XPO7: variants seen among roughly 807,000 people sequenced by gnomAD.
XPO7 encodes the protein exportin 7, also known as exportin-7.
Under a neutral mutation model 144.3 loss-of-function variants are expected in XPO7, and 21 were observed. The ratio of observed to expected loss-of-function variants is 0.15; its 90% CI spans 0.10 to 0.21. The LOEUF is 0.21. Ranked by LOEUF, XPO7 falls within the 10% of genes least tolerant of loss-of-function variation. The pLI is 1.00. For missense variants in XPO7, 808 were observed against 1,325.8 expected, an observed-to-expected ratio of 0.61 and a Z score of 6.06; for synonymous variants, 580 against 499.6, an observed-to-expected ratio of 1.16 and a Z score of -2.15.
At chr8:21,972,362 C>G (rs1413823101) in intron 5 of XPO7, among the ~76,000 whole-genome samples, 3 of 150,862 alleles carry the variant, frequency 2.0e-5, no homozygotes, top group African/African-American at 7.4e-5. Flanking sequence ...GCCTGTAGTC[C>G]CAGCGACTTG....
At chr8:21,978,107 G>A (rs1001317859) in intron 8 of XPO7, among the ~76,000 whole-genome samples, 8 of 152,114 alleles carry the variant, frequency 5.3e-5, no homozygotes, top group Non-Finnish European at 7.4e-5. Flanking sequence ...CTGACTTTAT[G>A]CTGTTCCTCA....
chr8:21,932,093 C>T (rs998187347), intron 1 of XPO7, among the ~76,000 whole-genome samples: 4 of 152,090 alleles, frequency 2.6e-5, no homozygotes, highest in Non-Finnish European at 4.4e-5. Context: ...AGGCTGGTCT[C>T]GAACTCCTGA....
Position 21,999,278 on chromosome 8 carries a change from C to T in XPO7, c.2616C>T (p.Leu872=), listed in dbSNP as rs1178686785. ...DNALQTFIKL[L]LSIPHSDLLD... ...CTCTGCAGACCTTCATCAAGCTGCTCCTCTCTATTCCTCACAGTGATCTCT... is the reference window on the plus strand; with the variant it reads ...CTCTGCAGACCTTCATCAAGCTGCTTCTCTCTATTCCTCACAGTGATCTCT... The change falls in exon 23 of 28, where the codon CTC becomes CTT. Residue 872 remains leucine (L), a synonymous_variant. Coordinates refer to ENST00000252512, the MANE Select transcript of XPO7 (RefSeq NM_015024.5). The T allele has an allele frequency of 6.2e-6, 10 of 1,612,968 alleles. No individual in the cohort carries two copies. Among genetic ancestry groups the T allele is most frequent in the East Asian group, 2.2e-5 (1 of 44,894 alleles).
At chr8:21,995,911 G>A (rs935915007) in intron 21 of XPO7, among the ~76,000 whole-genome samples, 15 of 152,084 alleles carry the variant, frequency 9.9e-5, no homozygotes, top group African/African-American at 2.9e-4. Flanking sequence ...ATCCCCCTGG[G>A]TTCACGCCAT....
At chr8:21,945,547 AT>A (rs1811165358) in intron 1 of XPO7, among the ~76,000 whole-genome samples, 1 of 152,222 alleles carries the variant, frequency 6.6e-6, no homozygotes, top group Non-Finnish European at 1.5e-5. Flanking sequence ...GCCTTATGAA[AT>A]TTTTAGCATG....
At chr8:21,967,356 G>C (rs1233908759) in intron 2 of XPO7, among the ~76,000 whole-genome samples, 2 of 152,112 alleles carry the variant, frequency 1.3e-5, no homozygotes, top group African/African-American at 4.8e-5. Context: ...TTGAGACGGA[G>C]TTTCGCTCTT....
intron 9 of XPO7, among the ~76,000 whole-genome samples, chr8:21,980,790 A>C (rs946303082): frequency 6.6e-6 from 1 of 151,888 alleles, no homozygotes; most frequent in African/African-American, 2.4e-5. Flanking sequence ...AAAAAAAAAA[A>C]CTAACATTTG....
At chr8:21,919,909 C>T (rs929956919) in intron 1 of XPO7, 121 bp downstream of exon 1, 2 of 229,820 alleles carry the variant, frequency 8.7e-6, no homozygotes, top group Non-Finnish European at 1.8e-5. Flanking sequence ...CGCCGCCACT[C>T]GGGGCTCTGG....
chr8:21,965,401 T>G (rs1811850790), intron 1 of XPO7, among the ~76,000 whole-genome samples: 2 of 152,222 alleles, frequency 1.3e-5, no homozygotes, highest in African/African-American at 4.8e-5. Context: ...AGGTACTACT[T>G]ATAGAACTTT....
chr8:21,994,273 G>T, intron 19 of XPO7, 90 bp from the exon 20 acceptor site: 5 of 920,736 alleles, frequency 5.4e-6, no homozygotes, highest in Admixed American at 2.1e-5. Flanking sequence ...GTGAGAGAAA[G>T]AATTTGATGA....
chr8:21,945,270 A>C (rs749532607), intron 1 of XPO7, among the ~76,000 whole-genome samples: 3 of 152,210 alleles, frequency 2.0e-5, no homozygotes, highest in Non-Finnish European at 4.4e-5. Flanking sequence ...TTAATCTCAA[A>C]GGAATTATCC....
intron 1 of XPO7, among the ~76,000 whole-genome samples, chr8:21,941,529 G>A (rs1202704029): frequency 1.3e-5 from 2 of 152,168 alleles, no homozygotes; most frequent in Non-Finnish European, 1.5e-5. Flanking sequence ...TTGTTATACT[G>A]TATTGTTTCG....
chr8:21,947,927 T>C (rs1811244698), intron 1 of XPO7, among the ~76,000 whole-genome samples: 1 of 152,054 alleles, frequency 6.6e-6, no homozygotes, highest in Non-Finnish European at 1.5e-5. Flanking sequence ...GATAGAACTA[T>C]AGGATAAAAC....
At chr8:21,991,046 A>G in intron 18 of XPO7, 127 bp downstream of exon 18, 3 of 812,256 alleles carry the variant, frequency 3.7e-6, no homozygotes, top group Non-Finnish European at 6.1e-6. Flanking sequence ...ACTATCTGAA[A>G]TAACAGCCTG....
At chr8:21,981,269 A>G (rs952876837) in intron 9 of XPO7, among the ~76,000 whole-genome samples, 2 of 152,262 alleles carry the variant, frequency 1.3e-5, no homozygotes, top group Non-Finnish European at 2.9e-5. Flanking sequence ...AATATATGAA[A>G]CATTTGTATA....
intron 11 of XPO7, 86 bp from the exon 12 acceptor site, chr8:21,984,560 A>T: frequency 8.0e-7 from 1 of 1,255,150 alleles, no homozygotes; most frequent in Non-Finnish European, 1.1e-6. Context: ...AATGGTGGCT[A>T]AGTGAAGAAG....
chr8:21,923,610 CTT>C (rs1368747525), intron 1 of XPO7, among the ~76,000 whole-genome samples: 5 of 152,108 alleles, frequency 3.3e-5, no homozygotes, highest in African/African-American at 1.2e-4. Flanking sequence ...CATTCAAACA[CTT>C]AACACAGAAA....
At chr8:21,976,154 A>G (rs1324601333) in intron 6 of XPO7, among the ~76,000 whole-genome samples, 1 of 152,198 alleles carries the variant, frequency 6.6e-6, no homozygotes. Flanking sequence ...TTTTTATAGT[A>G]AATATGTTTT....
rs75264141 is a variant in XPO7 at position 21,969,527 on chromosome 8, T to A, written c.210T>A (p.Leu70=). The stretch of plus-strand genomic sequence containing the variant: ...TGGCAGCTACATGCCTTACCAAGCT[T>A]GTATCACGCACAAACAACCCCCTAC... ...QLLAATCLTK[L]VSRTNNPLPL... The change falls in exon 3 of 28, where the codon CTT becomes CTA. Residue 70 remains leucine (L), a synonymous_variant. Transcript: ENST00000252512. 1,685 of 1,613,844 alleles carry A rather than the reference T, an allele frequency of 1.0e-3. 21 individuals are homozygous for A. The African/African-American group carries it at 0.02, about 19-fold the overall frequency.
Sources: gnomAD v4.1 joint callset for allele counts (sites outside exome capture counted in the v4.1 genomes callset) on GRCh38, gnomAD v4.1.1 for gene constraint, MANE v1.5 for transcripts, NCBI Gene and HGNC (gene_info 2026-07-23, HGNC 2026-07-21) for gene names.